The following CCDC148 variants were observed in gnomAD, a reference collection of about 807,000 sequenced individuals.
The protein encoded by CCDC148 is coiled-coil domain containing 148.
Under a neutral mutation model 85.7 loss-of-function variants are expected in CCDC148, and 89 were observed. The observed-to-expected ratio is 1.04, with a 90% CI of 0.87 to 1.24. The LOEUF is 1.24. CCDC148 is among the 50% of genes most tolerant of loss of function. The pLI, the probability that CCDC148 is intolerant of heterozygous loss-of-function variation, is 0.00. For synonymous variants in CCDC148, 230 were observed against 213.9 expected (o/e 1.08, Z -0.66); for missense variants, 692 against 671.7 (o/e 1.03, Z -0.33).
In CCDC148 at chr2:158,224,067, T is replaced by C. The variant is rs552062994; in HGVS notation, c.1252-3354A>G. ...AACCATGGCAAACAAGTTAAAAACCTTGAAAAAAAATTAGACGAATGGCTA... is the reference window on the plus strand; with the variant it reads ...AACCATGGCAAACAAGTTAAAAACCCTGAAAAAAAATTAGACGAATGGCTA... On this transcript the variant is annotated intron_variant, in intron 10 of 13. Transcript: ENST00000283233. Among the ~76,000 whole-genome samples, 9 of 152,180 alleles carry C rather than the reference T, an allele frequency of 5.9e-5. No homozygotes were observed. In the South Asian group the frequency reaches 1.9e-3, roughly 32 times the overall value.
At chr2:158,223,799 C>T (rs1040054786) in intron 10 of CCDC148, among the ~76,000 whole-genome samples, 1 of 152,132 alleles carries the variant, frequency 6.6e-6, no homozygotes, top group African/African-American at 2.4e-5. Flanking sequence ...GAAAAGACAT[C>T]CAAAGCAAAA....
At chr2:158,263,398 T>A (rs1003790685) in intron 9 of CCDC148, among the ~76,000 whole-genome samples, 11 of 152,042 alleles carry the variant, frequency 7.2e-5, no homozygotes, top group Non-Finnish European at 1.3e-4. Flanking sequence ...CTTTATTATC[T>A]TATATTAAAA....
intron 1 of CCDC148, among the ~76,000 whole-genome samples, chr2:158,414,491 C>A (rs1184027131): frequency 6.6e-6 from 1 of 151,994 alleles, no homozygotes; most frequent in Non-Finnish European, 1.5e-5. Context: ...CCTATCACCA[C>A]AAGAATAATG....
chr2:158,204,172 G>A (rs143897458), intron 11 of CCDC148, among the ~76,000 whole-genome samples: 6 of 152,252 alleles, frequency 3.9e-5, no homozygotes, highest in East Asian at 1.9e-4. Context: ...TTCCACTTCC[G>A]TAGAATTTAC....
intron 9 of CCDC148, among the ~76,000 whole-genome samples, chr2:158,286,916 T>C (rs1690654427): frequency 6.6e-6 from 1 of 152,128 alleles, no homozygotes; most frequent in Non-Finnish European, 1.5e-5. Flanking sequence ...ACTGTATTAG[T>C]CCGTTTTCAT....
intron 1 of CCDC148, among the ~76,000 whole-genome samples, chr2:158,417,986 A>C (rs1319323195): frequency 6.6e-6 from 1 of 152,204 alleles, no homozygotes; most frequent in African/African-American, 2.4e-5. Context: ...TCAAATCTAA[A>C]ACAACTATAT....
chr2:158,362,082 T>G (rs1683976729), intron 1 of CCDC148, among the ~76,000 whole-genome samples: 1 of 149,890 alleles, frequency 6.7e-6, no homozygotes, highest in Non-Finnish European at 1.5e-5. Context: ...AGAGACAAGG[T>G]CATTACATAA....
intron 9 of CCDC148, among the ~76,000 whole-genome samples, chr2:158,263,516 A>G (rs1689322505): frequency 6.6e-6 from 1 of 152,078 alleles, no homozygotes. Flanking sequence ...AAAATCTACC[A>G]CATGCTAAAT....
chr2:158,443,515 A>AAAAAAAAAAAAAG (rs1553524474), intron 1 of CCDC148, among the ~76,000 whole-genome samples: 1 of 100,896 alleles, frequency 9.9e-6, no homozygotes, highest in Non-Finnish European at 2.0e-5. Flanking sequence ...AAAAAAAAAA[A>AAAAAAAAAAAAAG]AAAAAAAAGA....
chr2:158,413,041 T>A (rs945288275), intron 1 of CCDC148, among the ~76,000 whole-genome samples: 5 of 152,044 alleles, frequency 3.3e-5, no homozygotes, highest in Admixed American at 6.6e-5. Flanking sequence ...TGTAGCCACA[T>A]ACAAAGGTTT....
chr2:158,270,431 G>A (rs924056444), intron 9 of CCDC148, among the ~76,000 whole-genome samples: 4 of 152,076 alleles, frequency 2.6e-5, no homozygotes, highest in Non-Finnish European at 5.9e-5. Context: ...CAAAGGATAG[G>A]GTTACTTTAC....
intron 1 of CCDC148, among the ~76,000 whole-genome samples, chr2:158,411,960 G>A (rs1399325715): frequency 2.0e-5 from 3 of 152,150 alleles, no homozygotes; most frequent in Non-Finnish European, 2.9e-5. Context: ...GCTGGGGCTG[G>A]GAGTAGTGCA....
chr2:158,299,849 C>T (rs970076243), intron 9 of CCDC148, among the ~76,000 whole-genome samples: 20 of 152,120 alleles, frequency 1.3e-4, no homozygotes, highest in Admixed American at 1.3e-4. Context: ...TGGAGAACTA[C>T]CAAATGTGGA....
intron 1 of CCDC148, among the ~76,000 whole-genome samples, chr2:158,389,713 C>A (rs1447417620): frequency 6.6e-6 from 1 of 152,148 alleles, no homozygotes; most frequent in East Asian, 1.9e-4. Flanking sequence ...TAATTATTTT[C>A]TCATGATTCA....
chr2:158,377,176 T>C (rs977786529), intron 1 of CCDC148, among the ~76,000 whole-genome samples: 1 of 151,288 alleles, frequency 6.6e-6, no homozygotes, highest in Admixed American at 6.6e-5. Flanking sequence ...TCAATGTCTA[T>C]GAAAACTAGG....
At chr2:158,385,659 T>C (rs1685055281) in intron 1 of CCDC148, among the ~76,000 whole-genome samples, 2 of 152,060 alleles carry the variant, frequency 1.3e-5, no homozygotes, top group African/African-American at 2.4e-5. Flanking sequence ...TACACAAAGA[T>C]ATATAAAAGA....
At chr2:158,440,178 A>T (rs1222004856) in intron 1 of CCDC148, among the ~76,000 whole-genome samples, 1 of 152,094 alleles carries the variant, frequency 6.6e-6, no homozygotes, top group Non-Finnish European at 1.5e-5. Context: ...CTAAAATTTA[A>T]ATGTTGATAA....
chr2:158,297,063 C>T lies in CCDC148; in HGVS notation c.1110+12370G>A, dbSNP rs567538405. Among the ~76,000 whole-genome samples, 33 of 152,316 alleles carry T rather than the reference C, an allele frequency of 2.2e-4. 1 individual carries two copies. The South Asian group carries it at 6.8e-3, about 32-fold the overall frequency. ...AGCCGATAATGCAAGAAATTCATCA[C>T]TAGCACTGATTATGCTAATGATGCA... On this transcript the variant is annotated intron_variant, in intron 9 of 13. Coordinates refer to ENST00000283233, the MANE Select transcript of CCDC148 (RefSeq NM_138803.4).
At chr2:158,381,293 A>T (rs1473326070) in intron 1 of CCDC148, among the ~76,000 whole-genome samples, 3 of 152,156 alleles carry the variant, frequency 2.0e-5, no homozygotes, top group African/African-American at 7.2e-5. Flanking sequence ...GACCCAATAA[A>T]AAATGGGGCA....
Sources: gnomAD v4.1 joint callset for allele counts (sites outside exome capture counted in the v4.1 genomes callset) on GRCh38, gnomAD v4.1.1 for gene constraint, MANE v1.5 for transcripts, NCBI Gene and HGNC (gene_info 2026-07-23, HGNC 2026-07-21) for gene names.